The following CFAP47 variants were observed in gnomAD, a reference collection of about 807,000 sequenced individuals.
The protein encoded by CFAP47 is cilia- and flagella-associated protein 47.
A neutral mutation model predicts 148.1 loss-of-function variants in CFAP47; 29 were observed. That is an observed-to-expected ratio of 0.20 (90% CI 0.15 to 0.27). The LOEUF (loss-of-function observed/expected upper bound fraction) is 0.27, where lower values mean the gene tolerates loss of function less well. Among genes scored for constraint, CFAP47 ranks in the 10% least tolerant of loss-of-function variants. The pLI, the probability that CFAP47 is intolerant of heterozygous loss-of-function variation, is 1.00. For synonymous variants in CFAP47, 664 were observed against 577.3 expected (o/e 1.15, Z -2.15); for missense variants, 1,872 against 1,697.5 (o/e 1.10, Z -1.81).
intron 26 of CFAP47, among the ~76,000 whole-genome samples, chrX:36,049,395 C>T (rs67815366): frequency 0.083 from 8,970 of 108,474 alleles, 935 homozygotes; most frequent in African/African-American, 0.28. Flanking sequence ...CATATGTTTT[C>T]GAGGGTTACA....
At chrX:35,934,656 G>T (rs889746568) in intron 2 of CFAP47, among the ~76,000 whole-genome samples, 1 of 110,896 alleles carries the variant, frequency 9.0e-6, no homozygotes, top group Admixed American at 9.6e-5. Flanking sequence ...ACCACAGCTG[G>T]GAATGTGTTG....
At chrX:36,207,018 T>G (rs1446623635) in intron 45 of CFAP47, among the ~76,000 whole-genome samples, 1 of 112,006 alleles carries the variant, frequency 8.9e-6, no homozygotes, top group Non-Finnish European at 1.9e-5. Flanking sequence ...AGAAGAAAGA[T>G]ATTAGTAAAC....
intron 48 of CFAP47, among the ~76,000 whole-genome samples, chrX:36,240,653 T>A (rs1266771531): frequency 1.8e-5 from 2 of 110,805 alleles, no homozygotes; most frequent in African/African-American, 6.6e-5. Flanking sequence ...AGCATACCAA[T>A]GTATGACTTA....
At chrX:36,369,401 G>A (rs1468286075) in intron 62 of CFAP47, among the ~76,000 whole-genome samples, 10 of 110,491 alleles carry the variant, frequency 9.1e-5, no homozygotes, top group African/African-American at 3.3e-4. Flanking sequence ...TTTGTTCTAA[G>A]GGCATAATTA....
At chrX:36,116,896 ACTC>A (rs1938650371) in intron 33 of CFAP47, among the ~76,000 whole-genome samples, 1 of 110,058 alleles carries the variant, frequency 9.1e-6, no homozygotes, top group African/African-American at 3.3e-5. Flanking sequence ...CTTCCCTCCC[ACTC>A]CTCCACTACT....
intron 33 of CFAP47, among the ~76,000 whole-genome samples, chrX:36,130,813 A>G (rs1271219656): frequency 9.0e-6 from 1 of 111,453 alleles, no homozygotes; most frequent in Admixed American, 9.6e-5. Context: ...GTTAAGTGAA[A>G]TAAGCCATGC....
At chrX:36,327,586 G>T (rs782197103) in intron 57 of CFAP47, among the ~76,000 whole-genome samples, 1 of 111,360 alleles carries the variant, frequency 9.0e-6, no homozygotes, top group African/African-American at 3.3e-5. Flanking sequence ...AAAACAGAGC[G>T]TCCATTTGAC....
At chrX:36,002,275 G>A (rs955424685) in intron 21 of CFAP47, among the ~76,000 whole-genome samples, 19 of 111,313 alleles carry the variant, frequency 1.7e-4, no homozygotes, top group African/African-American at 6.2e-4. Flanking sequence ...TCTAACAGAA[G>A]TGCCCAACGA....
intron 51 of CFAP47, among the ~76,000 whole-genome samples, chrX:36,298,238 G>A (rs1210670156): frequency 9.6e-6 from 1 of 104,483 alleles, no homozygotes; most frequent in East Asian, 3.1e-4. Context: ...CATAAAAAAC[G>A]ATGAGTTCAT....
At chrX:35,927,169 A>T (rs920566493) in intron 2 of CFAP47, among the ~76,000 whole-genome samples, 76 of 109,089 alleles carry the variant, frequency 7.0e-4, no homozygotes, top group African/African-American at 2.3e-3. Flanking sequence ...AAAAAAAAAA[A>T]ATTCCCTTTC....
At chrX:36,288,999 C>CTTTTTTTTTTTTTT (rs34230885) in intron 51 of CFAP47, among the ~76,000 whole-genome samples, 7 of 66,455 alleles carry the variant, frequency 1.1e-4, no homozygotes, top group East Asian at 4.9e-4. Flanking sequence ...TTCTTTCATC[C>CTTTTTTTTTTTTTT]TTTTTTTTTT....
chrX:36,281,095 G>A (rs1556003533), intron 50 of CFAP47, among the ~76,000 whole-genome samples: 1 of 111,649 alleles, frequency 9.0e-6, no homozygotes, highest in African/African-American at 3.3e-5. Flanking sequence ...TTTAGTACAA[G>A]TTCCAAGTAA....
intron 33 of CFAP47, among the ~76,000 whole-genome samples, chrX:36,134,001 A>G (rs772022768): frequency 9.1e-6 from 1 of 110,444 alleles, no homozygotes; most frequent in Non-Finnish European, 1.9e-5. Flanking sequence ...ATTAAATTAT[A>G]TTTCTATATA....
intron 60 of CFAP47, among the ~76,000 whole-genome samples, chrX:36,360,210 A>G (rs1429772671): frequency 2.7e-5 from 3 of 111,735 alleles, no homozygotes; most frequent in Non-Finnish European, 1.9e-5. Flanking sequence ...TCAAAGTTCT[A>G]TTTTTGTCTT....
chrX:36,203,844 T>G (rs782519603), intron 44 of CFAP47, among the ~76,000 whole-genome samples: 1 of 111,996 alleles, frequency 8.9e-6, no homozygotes, highest in South Asian at 3.7e-4. Context: ...GTAACCCCCA[T>G]TATCATTGTA....
chrX:36,114,895 G>GT (rs1156939674), intron 33 of CFAP47, among the ~76,000 whole-genome samples: 8 of 112,228 alleles, frequency 7.1e-5, no homozygotes, highest in African/African-American at 1.6e-4. Context: ...GTGCTAGTGG[G>GT]TGCTGGGATT....
chrX:36,003,946 C>T (rs1459589549), intron 21 of CFAP47, among the ~76,000 whole-genome samples: 1 of 105,383 alleles, frequency 9.5e-6, no homozygotes, highest in Non-Finnish European at 1.9e-5. Flanking sequence ...GGGTACAAAT[C>T]ACTAGCATTT....
chrX:36,331,392 T>C (rs1556014085), intron 57 of CFAP47, among the ~76,000 whole-genome samples: 1 of 111,382 alleles, frequency 9.0e-6, no homozygotes, highest in Admixed American at 9.6e-5. Flanking sequence ...ATCTTCCTGG[T>C]CATTTATTGC....
intron 33 of CFAP47, among the ~76,000 whole-genome samples, chrX:36,132,450 C>A: frequency 9.0e-6 from 1 of 111,583 alleles, no homozygotes; most frequent in Non-Finnish European, 1.9e-5. Flanking sequence ...TGGGTGAGGC[C>A]AGAAATTCTG....
Sources: gnomAD v4.1 joint callset for allele counts (sites outside exome capture counted in the v4.1 genomes callset) on GRCh38, gnomAD v4.1.1 for gene constraint, MANE v1.5 for transcripts, NCBI Gene and HGNC (gene_info 2026-07-23, HGNC 2026-07-21) for gene names.